The following MTO1 variants were observed in gnomAD, a reference collection of about 807,000 sequenced individuals.
MTO1 encodes mitochondrial tRNA translation optimization 1.
In MTO1, 46 loss-of-function variants were observed where a neutral mutation model predicts 71.6. The ratio of observed to expected loss-of-function variants is 0.64; its 90% CI spans 0.51 to 0.82. The LOEUF (loss-of-function observed/expected upper bound fraction) is 0.82. Ranked by LOEUF, MTO1 falls within the 40% of genes least tolerant of loss-of-function variation. The pLI, the probability that MTO1 is intolerant of heterozygous loss-of-function variation, is 0.00. For synonymous variants in MTO1, 297 were observed against 312.1 expected, an observed-to-expected ratio of 0.95 and a Z score of 0.51; for missense variants, 773 against 867.5, an observed-to-expected ratio of 0.89 and a Z score of 1.37.
rs188209612 is a variant in MTO1, at chr6:73,490,376, C to T, written c.1638-1858C>T. Among the ~76,000 whole-genome samples, 138 of 152,252 alleles carry T rather than the reference C, an allele frequency of 9.1e-4. 2 individuals are homozygous for T. Among genetic ancestry groups the T allele is most frequent in the East Asian group, 8.9e-3 (46 of 5,188 alleles). ...TGAAGTCCTTGCCCATGCCTATGTC[C>T]TAAATGGTGTTGCCTAGGTTTTCTT... On this transcript the variant is annotated intron_variant, in intron 9 of 11. Coordinates refer to ENST00000498286, the MANE Select transcript of MTO1 (RefSeq NM_012123.4).
At chr6:73,465,389 T>C (rs1770954561) in intron 1 of MTO1, among the ~76,000 whole-genome samples, 1 of 152,098 alleles carries the variant, frequency 6.6e-6, no homozygotes, top group Middle Eastern at 3.4e-3. Flanking sequence ...GTCTCAAACT[T>C]CTGAGCTCCA....
intron 3 of MTO1, among the ~76,000 whole-genome samples, chr6:73,469,092 T>TCCA (rs1771075568): frequency 6.6e-6 from 1 of 152,124 alleles, no homozygotes; most frequent in African/African-American, 2.4e-5. Context: ...CACTGTAGCC[T>TCCA]CCACCTCCCA....
intron 10 of MTO1, among the ~76,000 whole-genome samples, chr6:73,496,152 C>G (rs565310972): frequency 1.1e-4 from 17 of 152,272 alleles, no homozygotes; most frequent in African/African-American, 3.9e-4. Context: ...GAGGGTAATT[C>G]ATTGTTGGAG....
chr6:73,498,992 C>T (rs1561955015), intron 11 of MTO1, among the ~76,000 whole-genome samples: 1 of 152,008 alleles, frequency 6.6e-6, no homozygotes, highest in Admixed American at 6.6e-5. Flanking sequence ...CTCCCAAAGT[C>T]CTGGGATTAC....
At chr6:73,467,759 GCTTAT>G (rs1299030839) in intron 3 of MTO1, among the ~76,000 whole-genome samples, 2 of 151,908 alleles carry the variant, frequency 1.3e-5, no homozygotes, top group Admixed American at 6.6e-5. Context: ...TGAATAGCAG[GCTTAT>G]CTTTTTACTT....
At chr6:73,492,103 C>CAA (rs5877369) in intron 9 of MTO1, 131 bp from the exon 10 acceptor site, 14 of 485,556 alleles carry the variant, frequency 2.9e-5, no homozygotes, top group East Asian at 1.2e-4. Context: ...GACTCCATCT[C>CAA]AAAAAAAAAA....
intron 3 of MTO1, among the ~76,000 whole-genome samples, chr6:73,468,764 C>A (rs968796678): frequency 4.0e-5 from 6 of 151,678 alleles, no homozygotes; most frequent in Non-Finnish European, 8.8e-5. Flanking sequence ...GCAGCAACCA[C>A]GCCCAGCTAA....
chr6:73,470,237 C>T (rs2150029677), intron 3 of MTO1, among the ~76,000 whole-genome samples: 1 of 151,830 alleles, frequency 6.6e-6, no homozygotes, highest in African/African-American at 2.4e-5. Context: ...GACAGAGTCT[C>T]ACTGTGTAGC....
chr6:73,476,920 C>T (rs117803708), intron 4 of MTO1, among the ~76,000 whole-genome samples: 5,111 of 151,692 alleles, frequency 0.034, 299 homozygotes, highest in Admixed American at 0.15. Context: ...CCTCAGTAGC[C>T]GGGATTACAG....
chr6:73,462,134 C>T, intron 1 of MTO1, 63 bp downstream of exon 1: 1 of 1,555,264 alleles, frequency 6.4e-7, no homozygotes, highest in Non-Finnish European at 8.8e-7. Flanking sequence ...CCCGCCTCCC[C>T]CGGTCTGAAG....
rs772453380 is a variant in MTO1, at chr6:73,501,439, A to G, written c.*704A>G. On this transcript the variant is annotated 3_prime_UTR_variant, in exon 12 of 12. Coordinates refer to ENST00000498286, the MANE Select transcript of MTO1 (RefSeq NM_012123.4). ...AACGTTAGTTATTTTATATCATACC[A>G]TAAAAATATTTTCTTAAGAAATTGT... The G allele has an allele frequency of 1.3e-5, 2 of 152,206 alleles. No individual in the cohort carries two copies. The highest frequency in any genetic ancestry group is 2.9e-5 in the Non-Finnish European group (2 of 68,040). 9.4% of individuals were successfully genotyped at this position (152,206 alleles called of 1,614,324 possible).
intron 4 of MTO1, among the ~76,000 whole-genome samples, chr6:73,474,597 C>A (rs1309021496): frequency 6.7e-6 from 1 of 150,286 alleles, no homozygotes; most frequent in South Asian, 2.1e-4. Flanking sequence ...TGCAAGCACC[C>A]GCCATCATGC....
At chr6:73,476,538 C>T (rs541033568) in intron 4 of MTO1, among the ~76,000 whole-genome samples, 26 of 152,124 alleles carry the variant, frequency 1.7e-4, no homozygotes, top group African/African-American at 3.6e-4. Context: ...AACCATTGAA[C>T]GTCACTCACT....
In MTO1 at chr6:73,480,771, A is replaced by G. The variant is rs767029283; in HGVS notation, c.1226A>G (p.Asn409Ser). 9.9e-6 allele frequency: 16 copies of G among 1,613,950 alleles called. No individual in the cohort carries two copies. Among genetic ancestry groups the G allele is most frequent in the African/African-American group, 2.7e-5 (2 of 74,920 alleles). ...VQRLFFAGQI[N>S]GTTGYEEAAA... is the part of the protein sequence containing the mutation. ...CGACTCTTCTTTGCTGGACAGATCA[A>G]TGGCACCACTGGTTATGAGGAAGCT... Residue 409 changes from asparagine to serine, a missense_variant, in exon 7 of 12, where the codon AAT (asparagine) becomes AGT (serine). Transcript: ENST00000498286.
At chr6:73,483,937 C>T (rs1041661609) in intron 9 of MTO1, among the ~76,000 whole-genome samples, 1 of 151,980 alleles carries the variant, frequency 6.6e-6, no homozygotes, top group Non-Finnish European at 1.5e-5. Context: ...CACCACCACA[C>T]CCGGCTAATT....
Position 73,508,208 on chromosome 6 carries a change from T to C in MTO1, c.*7473T>C, listed in dbSNP as rs569200977. The C allele has an allele frequency of 6.6e-6, 1 of 152,284 alleles. No homozygotes were observed. Among genetic ancestry groups the C allele is most frequent in the South Asian group, 2.1e-4 (1 of 4,822 alleles). 9.4% of individuals were successfully genotyped at this position (152,284 alleles called of 1,614,324 possible). A position where few individuals can be genotyped will look rare whatever the true frequency, so the allele number is the denominator to read the frequency against. On this transcript the variant is annotated 3_prime_UTR_variant, in exon 12 of 12. Transcript: ENST00000498286. ...TGTGAATTTCACTTGAACAGCACCC[T>C]CTGCAGACTTAAAATATTCCTCCTA...
Position 73,503,987 on chromosome 6 carries a change from G to GTA in MTO1, c.*3254_*3255dup, listed in dbSNP as rs1259284203. 23 of 152,314 alleles carry GTA rather than the reference G, an allele frequency of 1.5e-4. No homozygotes were observed. Among genetic ancestry groups the GTA allele is most frequent in the African/African-American group, 5.5e-4 (23 of 41,560 alleles). 9.4% of individuals were successfully genotyped at this position (152,314 alleles called of 1,614,324 possible). On this transcript the variant is annotated 3_prime_UTR_variant, in exon 12 of 12. Coordinates refer to ENST00000498286, the MANE Select transcript of MTO1 (RefSeq NM_012123.4). ...CCCTGTCCAGAAGAAGTGGTCAGGA[G>GTA]TATCAGGAAAGCCACCAGCAGAGAC...
intron 10 of MTO1, among the ~76,000 whole-genome samples, chr6:73,497,002 C>T (rs144631898): frequency 0.034 from 5,046 of 149,732 alleles, 120 homozygotes; most frequent in Non-Finnish European, 0.047. Context: ...TGCAGTGAGC[C>T]GAGATCGCGC....
At chr6:73,481,138 G>T in intron 7 of MTO1, 1 of 299,942 alleles carries the variant, frequency 3.3e-6, no homozygotes, top group South Asian at 2.9e-5. Context: ...ATTTTTAGTA[G>T]AGATATGGTT....
Sources: allele counts gnomAD v4.1 joint callset (sites outside exome capture counted in the v4.1 genomes callset), GRCh38; gene constraint gnomAD v4.1.1; transcripts MANE v1.5; gene names NCBI Gene and HGNC (gene_info 2026-07-23, HGNC 2026-07-21).